GNAL: variants seen among roughly 807,000 people sequenced by gnomAD.
GNAL encodes the protein guanine nucleotide-binding protein G(olf) subunit alpha.
In GNAL, 18 loss-of-function variants were observed where a neutral mutation model predicts 55.1. The observed-to-expected ratio is 0.33, with a 90% CI of 0.23 to 0.48. The LOEUF (loss-of-function observed/expected upper bound fraction) is 0.48. Ranked by LOEUF, GNAL falls within the 20% of genes least tolerant of loss-of-function variation. The pLI, the probability that GNAL is intolerant of heterozygous loss-of-function variation, is 0.99. For synonymous variants in GNAL, 253 were observed against 237.0 expected (o/e 1.07, Z -0.62); for missense variants, 412 against 614.1 (o/e 0.67, Z 3.48).
chr18:11,777,072 A>T (rs1481775378), intron 4 of GNAL, among the ~76,000 whole-genome samples: 1 of 152,210 alleles, frequency 6.6e-6, no homozygotes, highest in African/African-American at 2.4e-5. Context: ...GGTCCTCTTT[A>T]AAAAAATTAA....
intron 1 of GNAL, among the ~76,000 whole-genome samples, chr18:11,694,438 G>A (rs2096483011): frequency 6.6e-6 from 1 of 152,182 alleles, no homozygotes; most frequent in Non-Finnish European, 1.5e-5. Context: ...GAATCTGGGA[G>A]CCACTGTGAC....
intron 4 of GNAL, among the ~76,000 whole-genome samples, chr18:11,814,855 G>A (rs975484052): frequency 2.0e-5 from 3 of 149,042 alleles, no homozygotes; most frequent in East Asian, 2.0e-4. Context: ...CCGAGATCAC[G>A]CCACTGCACT....
intron 11 of GNAL, among the ~76,000 whole-genome samples, chr18:11,880,647 T>G (rs532941491): frequency 1.3e-5 from 2 of 152,200 alleles, no homozygotes; most frequent in African/African-American, 4.8e-5. Flanking sequence ...ATCAGCTAGA[T>G]AGCGACTATC....
At chr18:11,715,835 A>G (rs1332640986) in intron 1 of GNAL, among the ~76,000 whole-genome samples, 1 of 152,176 alleles carries the variant, frequency 6.6e-6, no homozygotes, top group African/African-American at 2.4e-5. Flanking sequence ...GAAGTGGTCA[A>G]GTTCTAGATA....
At chr18:11,749,053 G>A (rs1372622582) in intron 1 of GNAL, among the ~76,000 whole-genome samples, 1 of 150,738 alleles carries the variant, frequency 6.6e-6, no homozygotes, top group African/African-American at 2.4e-5. Context: ...CTGAAGCTGG[G>A]AGGCAGAGGT....
intron 4 of GNAL, among the ~76,000 whole-genome samples, chr18:11,756,812 TG>T (rs2033072522): frequency 6.6e-6 from 1 of 152,176 alleles, no homozygotes; most frequent in Non-Finnish European, 1.5e-5. Context: ...AAAGAATGTA[TG>T]TTTTTTATAA....
intron 5 of GNAL, among the ~76,000 whole-genome samples, chr18:11,840,269 T>C (rs574271861): frequency 6.6e-6 from 1 of 152,376 alleles, no homozygotes; most frequent in South Asian, 2.1e-4. Flanking sequence ...GAAGAAAGAA[T>C]GAAAGATTCC....
chr18:11,732,841 C>T (rs763054767), intron 1 of GNAL, among the ~76,000 whole-genome samples: 22 of 152,176 alleles, frequency 1.4e-4, no homozygotes, highest in Non-Finnish European at 1.9e-4. Flanking sequence ...AGTAAGTTAG[C>T]TACAGCAATC....
At chr18:11,738,961 C>T (rs554455762) in intron 1 of GNAL, among the ~76,000 whole-genome samples, 1 of 152,178 alleles carries the variant, frequency 6.6e-6, no homozygotes, top group Non-Finnish European at 1.5e-5. Flanking sequence ...TGCCGCCCGA[C>T]GTCATAACAT....
At chr18:11,844,464 T>TA (rs2035687870) in intron 5 of GNAL, among the ~76,000 whole-genome samples, 1 of 152,172 alleles carries the variant, frequency 6.6e-6, no homozygotes, top group Admixed American at 6.5e-5. Context: ...GTTCTCAGGA[T>TA]ACATGGTTCC....
At chr18:11,755,850 C>G (rs2033037900) in intron 4 of GNAL, among the ~76,000 whole-genome samples, 1 of 152,154 alleles carries the variant, frequency 6.6e-6, no homozygotes, top group African/African-American at 2.4e-5. Context: ...TGCAGATGTC[C>G]TCCCGGTTCT....
chr18:11,754,513 G>A (rs2032975481), intron 4 of GNAL, among the ~76,000 whole-genome samples: 2 of 152,080 alleles, frequency 1.3e-5, no homozygotes, highest in African/African-American at 4.8e-5. Context: ...ATACCTTTAA[G>A]AAATACTGAT....
At chr18:11,765,545 T>C (rs78629072) in intron 4 of GNAL, among the ~76,000 whole-genome samples, 6,096 of 152,310 alleles carry the variant, frequency 0.04, 156 homozygotes, top group Middle Eastern at 0.082. Flanking sequence ...TGCCCGTTGA[T>C]CATTCTCTCT....
At chr18:11,851,104 C>A (rs1413170097) in intron 5 of GNAL, among the ~76,000 whole-genome samples, 2 of 152,224 alleles carry the variant, frequency 1.3e-5, no homozygotes, top group African/African-American at 4.8e-5. Context: ...GGTAATTTTA[C>A]ACGCGGGTCT....
At chr18:11,734,108 G>C (rs1257824033) in intron 1 of GNAL, among the ~76,000 whole-genome samples, 1 of 151,784 alleles carries the variant, frequency 6.6e-6, no homozygotes, top group Non-Finnish European at 1.5e-5. Context: ...CGATGGAACT[G>C]GGGGTTAGGG....
chr18:11,733,001 G>T (rs1023215882), intron 1 of GNAL, among the ~76,000 whole-genome samples: 1 of 152,256 alleles, frequency 6.6e-6, no homozygotes, highest in Admixed American at 6.5e-5. Flanking sequence ...GTCAGAAATT[G>T]CAGACAGCAA....
chr18:11,769,944 A>T (rs765567709), intron 4 of GNAL, among the ~76,000 whole-genome samples: 2 of 152,212 alleles, frequency 1.3e-5, no homozygotes, highest in South Asian at 2.1e-4. Flanking sequence ...TTGATGGGAT[A>T]TGGCAGTGTT....
intron 5 of GNAL, chr18:11,852,145 G>A: frequency 2.0e-6 from 3 of 1,532,254 alleles, no homozygotes; most frequent in Non-Finnish European, 2.6e-6. Context: ...CCTGGCCATA[G>A]CCACCCTTTG....
intron 4 of GNAL, among the ~76,000 whole-genome samples, chr18:11,821,461 A>G (rs977461524): frequency 1.3e-5 from 2 of 152,224 alleles, no homozygotes; most frequent in African/African-American, 4.8e-5. Flanking sequence ...TGAGAGTTAA[A>G]TGCGATCATG....
Sources: gnomAD v4.1 joint callset for allele counts (sites outside exome capture counted in the v4.1 genomes callset) on GRCh38, gnomAD v4.1.1 for gene constraint, MANE v1.5 for transcripts, NCBI Gene and HGNC (gene_info 2026-07-23, HGNC 2026-07-21) for gene names.